MACROD2: variants seen among roughly 807,000 people sequenced by gnomAD.
MACROD2 encodes the protein ADP-ribose glycohydrolase MACROD2.
In MACROD2, 36 loss-of-function variants were observed where a neutral mutation model predicts 70.4. That is an observed-to-expected ratio of 0.51 (90% CI 0.39 to 0.68). The LOEUF is 0.68. Ranked by LOEUF, MACROD2 falls within the 30% of genes least tolerant of loss-of-function variation. MACROD2 has a pLI of 0.00. For synonymous variants in MACROD2, 172 were observed against 178.8 expected (o/e 0.96, Z 0.30); for missense variants, 496 against 538.4 (o/e 0.92, Z 0.78).
At chr20:15,309,761 C>T (rs189573199) in intron 6 of MACROD2, among the ~76,000 whole-genome samples, 9 of 151,978 alleles carry the variant, frequency 5.9e-5, no homozygotes, top group African/African-American at 9.6e-5. Context: ...GAGAAAAGAA[C>T]GATTTATTCT....
intron 3 of MACROD2, among the ~76,000 whole-genome samples, chr20:14,364,721 G>A (rs892075064): frequency 2.0e-5 from 3 of 152,118 alleles, no homozygotes; most frequent in African/African-American, 7.2e-5. Context: ...ATGACCTCTT[G>A]TATTTTGCTT....
At chr20:15,779,554 T>C (rs986764025) in intron 8 of MACROD2, among the ~76,000 whole-genome samples, 1 of 152,160 alleles carries the variant, frequency 6.6e-6, no homozygotes, top group African/African-American at 2.4e-5. Flanking sequence ...TAGAGATTTA[T>C]TAAGACTCTG....
chr20:14,715,143 C>T lies in MACROD2; in HGVS notation c.418+30184C>T, dbSNP rs943547047. 3.9e-5 allele frequency among the ~76,000 whole-genome samples: 6 copies of T among 152,144 alleles called. No homozygotes were observed. The East Asian group carries it at 9.6e-4, about 24-fold the overall frequency. ...CAATCATGGCAGAAGGGAAAGCAAA[C>T]ACATTATGCTTCTCATGGTGGCGGC... On this transcript the variant is annotated intron_variant, in intron 5 of 17. Transcript: ENST00000684519.
chr20:15,099,300 T>G (rs2075855245), intron 5 of MACROD2, among the ~76,000 whole-genome samples: 1 of 152,028 alleles, frequency 6.6e-6, no homozygotes. Context: ...AGGTAATAGG[T>G]TTAGCTGAGG....
At chr20:15,822,654 A>C (rs979280510) in intron 8 of MACROD2, among the ~76,000 whole-genome samples, 5 of 152,178 alleles carry the variant, frequency 3.3e-5, no homozygotes, top group African/African-American at 1.2e-4. Flanking sequence ...ATTTCACTAA[A>C]TTGATCCACA....
chr20:16,005,910 G>A (rs182320320), intron 15 of MACROD2, among the ~76,000 whole-genome samples: 1 of 152,158 alleles, frequency 6.6e-6, no homozygotes, highest in South Asian at 2.1e-4. Context: ...ACCACCAGCA[G>A]ATGGTTTGAG....
intron 8 of MACROD2, among the ~76,000 whole-genome samples, chr20:15,654,618 G>T (rs113345792): frequency 1.6e-4 from 25 of 152,320 alleles, no homozygotes; most frequent in African/African-American, 5.8e-4. Flanking sequence ...GGATGGGGGA[G>T]TGGGGAAATG....
chr20:14,471,993 A>C (rs938788766), intron 3 of MACROD2, among the ~76,000 whole-genome samples: 2 of 152,190 alleles, frequency 1.3e-5, no homozygotes, highest in African/African-American at 4.8e-5. Flanking sequence ...AAATTTGCAA[A>C]GGAGACAACT....
chr20:14,308,756 C>G (rs907988646), intron 3 of MACROD2, among the ~76,000 whole-genome samples: 9 of 152,026 alleles, frequency 5.9e-5, no homozygotes, highest in African/African-American at 2.2e-4. Flanking sequence ...AGAACCATCA[C>G]TGGGAATAGC....
intron 5 of MACROD2, among the ~76,000 whole-genome samples, chr20:15,026,186 A>G (rs2075230164): frequency 6.6e-6 from 1 of 152,206 alleles, no homozygotes; most frequent in African/African-American, 2.4e-5. Context: ...ACACGAACAT[A>G]TTAAAGGTCC....
chr20:14,989,090 G>T (rs571797260), intron 5 of MACROD2, among the ~76,000 whole-genome samples: 1 of 151,820 alleles, frequency 6.6e-6, no homozygotes, highest in Non-Finnish European at 1.5e-5. Flanking sequence ...TGAATTATAT[G>T]GTTTTTTTTA....
At chr20:14,207,511 G>A (rs1251520529) in intron 3 of MACROD2, among the ~76,000 whole-genome samples, 1 of 152,168 alleles carries the variant, frequency 6.6e-6, no homozygotes, top group Non-Finnish European at 1.5e-5. Context: ...AATGGTTTCA[G>A]TTGTTTCTGG....
rs1002238962 is a variant in MACROD2 at position 14,891,714 on chromosome 20, A to G, written c.418+206755A>G. On this transcript the variant is annotated intron_variant, in intron 5 of 17. Transcript: ENST00000684519. Reference sequence around the variant, plus strand: ...ACTTGTAGGCTTTGAAGACTTTACAATTTTGTTAGGAAGAGAATAGAGATG... The same window carrying G: ...ACTTGTAGGCTTTGAAGACTTTACAGTTTTGTTAGGAAGAGAATAGAGATG... 9.8e-5 allele frequency among the ~76,000 whole-genome samples: 15 copies of G among 152,288 alleles called. 1 individual carries two copies. In the East Asian group the frequency reaches 2.3e-3, roughly 24 times the overall value.
chr20:15,644,172 C>T (rs1248591577), intron 8 of MACROD2, among the ~76,000 whole-genome samples: 1 of 152,158 alleles, frequency 6.6e-6, no homozygotes, highest in Non-Finnish European at 1.5e-5. Context: ...TTGACTCTCA[C>T]AGAGAGAAAG....
chr20:14,530,242 C>T (rs1372522543), intron 4 of MACROD2, among the ~76,000 whole-genome samples: 1 of 152,010 alleles, frequency 6.6e-6, no homozygotes, highest in African/African-American at 2.4e-5. Context: ...AGCTTTCAGG[C>T]AAAGACATAC....
intron 3 of MACROD2, among the ~76,000 whole-genome samples, chr20:14,177,669 G>A (rs910693931): frequency 6.6e-6 from 1 of 152,070 alleles, no homozygotes; most frequent in Non-Finnish European, 1.5e-5. Context: ...ATCGACCAAT[G>A]ACCAGTGAAA....
chr20:14,474,262 T>G (rs931404176), intron 3 of MACROD2, among the ~76,000 whole-genome samples: 1 of 152,156 alleles, frequency 6.6e-6, no homozygotes, highest in African/African-American at 2.4e-5. Flanking sequence ...TAATGTTATG[T>G]TATGAAGTGT....
chr20:15,975,451 A>G (rs1350351495), intron 13 of MACROD2, among the ~76,000 whole-genome samples: 1 of 152,140 alleles, frequency 6.6e-6, no homozygotes. Flanking sequence ...TCATTGCAAT[A>G]TGATGTTTAA....
chr20:14,468,522 G>A (rs1253361088), intron 3 of MACROD2, among the ~76,000 whole-genome samples: 1 of 148,752 alleles, frequency 6.7e-6, no homozygotes, highest in Admixed American at 6.7e-5. Flanking sequence ...TTTTTGGGGG[G>A]GGGCGTTGGG....
Sources: allele counts gnomAD v4.1 joint callset (sites outside exome capture counted in the v4.1 genomes callset), GRCh38; gene constraint gnomAD v4.1.1; transcripts MANE v1.5; gene names NCBI Gene and HGNC (gene_info 2026-07-23, HGNC 2026-07-21).